The following TNKS2 variants were observed in gnomAD, a reference collection of about 807,000 sequenced individuals.
The protein encoded by TNKS2 is poly [ADP-ribose] polymerase tankyrase-2.
TNKS2 carries 72 observed loss-of-function variants against 137.6 expected under a neutral mutation model. That is an observed-to-expected ratio of 0.52 (90% CI 0.43 to 0.64). TNKS2 has a LOEUF of 0.64. Ranked by LOEUF, TNKS2 falls within the 30% of genes least tolerant of loss-of-function variation. The pLI, the probability that TNKS2 is intolerant of heterozygous loss-of-function variation, is 0.00. For synonymous variants in TNKS2, 516 were observed against 512.1 expected, an observed-to-expected ratio of 1.01 and a Z score of -0.10; for missense variants, 1,049 against 1,410.2, an observed-to-expected ratio of 0.74 and a Z score of 4.10.
rs1284196598 is a variant in TNKS2 at position 91,817,236 on chromosome 10, C to T, written c.520+7C>T. 6.2e-7 allele frequency: 1 copy of T among 1,602,978 alleles called. No individual in the cohort carries two copies. Among genetic ancestry groups the T allele is most frequent in the African/African-American group, 1.3e-5 (1 of 74,828 alleles). On this transcript the variant is annotated splice_region_variant and intron_variant, in intron 3 of 26. Coordinates refer to ENST00000371627, the MANE Select transcript of TNKS2 (RefSeq NM_025235.4). ...GCCAAAGCAGTGCTTACTGGTAAGTCTGTATACTCTGGTTATTCCAGGAAG... is the reference window on the plus strand; with the variant it reads ...GCCAAAGCAGTGCTTACTGGTAAGTTTGTATACTCTGGTTATTCCAGGAAG...
intron 7 of TNKS2, 43 bp from the exon 8 acceptor site, chr10:91,826,974 C>A (rs1204334513): frequency 7.0e-7 from 1 of 1,425,392 alleles, no homozygotes; most frequent in Middle Eastern, 1.9e-4. Context: ...ATTCTGAATT[C>A]TTTTAAAAAT....
intron 24 of TNKS2, among the ~76,000 whole-genome samples, chr10:91,858,291 G>A (rs1447292005): frequency 6.6e-6 from 1 of 152,112 alleles, no homozygotes; most frequent in African/African-American, 2.4e-5. Context: ...ATCTAAACAT[G>A]TTGCACTCCT....
chr10:91,806,989 G>C (rs1406077153), intron 1 of TNKS2, among the ~76,000 whole-genome samples: 1 of 152,088 alleles, frequency 6.6e-6, no homozygotes, highest in Admixed American at 6.6e-5. Context: ...GTAAATAAAG[G>C]CTTTCTAACT....
At chr10:91,839,494 G>A (rs1842144398) in intron 13 of TNKS2, among the ~76,000 whole-genome samples, 2 of 151,830 alleles carry the variant, frequency 1.3e-5, no homozygotes, top group Non-Finnish European at 2.9e-5. Context: ...GTTTTGCCAT[G>A]TTGGCCAGGA....
At chr10:91,836,311 C>T (rs1451647011) in intron 12 of TNKS2, among the ~76,000 whole-genome samples, 2 of 151,932 alleles carry the variant, frequency 1.3e-5, no homozygotes, top group Admixed American at 1.3e-4. Context: ...CCGTTTTCTT[C>T]TAGTATTTTT....
At chr10:91,811,998 T>G (rs1209817280) in intron 1 of TNKS2, among the ~76,000 whole-genome samples, 1 of 151,080 alleles carries the variant, frequency 6.6e-6, no homozygotes, top group African/African-American at 2.4e-5. Context: ...AGGCGGAGCT[T>G]GCAGTGAGCC....
At chr10:91,820,686 C>T (rs1196037533) in intron 6 of TNKS2, among the ~76,000 whole-genome samples, 2 of 152,194 alleles carry the variant, frequency 1.3e-5, no homozygotes, top group East Asian at 3.9e-4. Context: ...TTAGGAGGTG[C>T]GTTTGAAAGC....
intron 20 of TNKS2, 54 bp from the exon 21 acceptor site, chr10:91,851,162 T>C: frequency 6.3e-7 from 1 of 1,597,020 alleles, no homozygotes; most frequent in Non-Finnish European, 8.5e-7. Context: ...CACCAATATA[T>C]GAATGTCCAC....
chr10:91,823,811 G>T (rs1844984259), intron 7 of TNKS2, among the ~76,000 whole-genome samples: 1 of 152,148 alleles, frequency 6.6e-6, no homozygotes, highest in African/African-American at 2.4e-5. Flanking sequence ...CTTGTTTCCA[G>T]TGCCTCTTTG....
intron 1 of TNKS2, among the ~76,000 whole-genome samples, chr10:91,801,840 A>G (rs929907557): frequency 1.3e-5 from 2 of 152,178 alleles, no homozygotes; most frequent in Non-Finnish European, 2.9e-5. Context: ...CTGTTGCTCT[A>G]ATTTTACTAA....
chr10:91,808,405 A>G (rs547051040), intron 1 of TNKS2, among the ~76,000 whole-genome samples: 1 of 152,214 alleles, frequency 6.6e-6, no homozygotes, highest in South Asian at 2.1e-4. Context: ...GTTGAGGGCC[A>G]GTTCATGAAG....
Position 91,863,235 on chromosome 10 carries a change from G to T in TNKS2, c.*236G>T. On this transcript the variant is annotated 3_prime_UTR_variant, in exon 27 of 27. Coordinates refer to ENST00000371627, the MANE Select transcript of TNKS2 (RefSeq NM_025235.4). ...AACAGATGCCATTCCAGGTTAAACT[G>T]GGTTGTCTGTACTAAATTATAAACA... is the stretch of plus-strand genomic sequence containing the variant. The T allele has an allele frequency of 2.4e-6, 1 of 412,436 alleles. No homozygotes were observed. Among genetic ancestry groups the T allele is most frequent in the Non-Finnish European group, 4.4e-6 (1 of 228,796 alleles). 25.5% of individuals were successfully genotyped at this position (412,436 alleles called of 1,614,324 possible).
chr10:91,835,276 C>CTTTTTTTTCTTTTTTTTTTTCTTT (rs369192935), intron 12 of TNKS2, among the ~76,000 whole-genome samples: 92 of 141,388 alleles, frequency 6.5e-4, no homozygotes, highest in African/African-American at 2.2e-3. Flanking sequence ...GCCCATTTCT[C>CTTTTTTTTCTTTTTTTTTTTCTTT]TTTTTTTTCT....
chr10:91,842,350 G>A lies in TNKS2; in HGVS notation c.2018G>A (p.Arg673His), dbSNP rs897436842. ...KLSSPDNVNC[R>H]DTQGRHSTPL... ...TCTTCTCCTGATAATGTAAATTGCC[G>A]CGATACCCAAGGCAGACATTCAACA... The change falls in exon 16 of 27, where the codon CGC (arginine) becomes CAC (histidine). Residue 673 changes from arginine (R) to histidine (H), a missense_variant. By Grantham distance (29) the Arg-to-His change is conservative (BLOSUM62 0). Around this residue, in one of 6 missense-constraint regions of TNKS2, gnomAD observed 328 missense variants for 436.0 expected, o/e 0.75. Coordinates refer to ENST00000371627, the MANE Select transcript of TNKS2 (RefSeq NM_025235.4). 2.0e-5 allele frequency: 32 copies of A among 1,613,998 alleles called. No individual in the cohort carries two copies. Among genetic ancestry groups the A allele is most frequent in the South Asian group, 2.2e-5 (2 of 91,092 alleles).
chr10:91,845,824 C>T lies in TNKS2; in HGVS notation c.2242C>T (p.Pro748Ser), dbSNP rs762081141. Residue 748 changes from proline to serine, a missense_variant, in exon 18 of 27, where the codon CCT becomes TCT. By Grantham distance (74) the Pro-to-Ser change is moderately conservative. This residue lies in a region of TNKS2 where 328 missense variants were observed against 436.0 expected (regional missense o/e 0.75). Coordinates refer to ENST00000371627, the MANE Select transcript of TNKS2 (RefSeq NM_025235.4). ...VNATDKWAFT[P>S]LHEAAQKGRT... ...TGCCACGGACAAATGGGCTTTCACA[C>T]CTTTGCACGAAGCAGCCCAAAAGGG... is the stretch of plus-strand genomic sequence containing the variant. The T allele has an allele frequency of 1.2e-6, 2 of 1,609,208 alleles. No homozygotes were observed. Among genetic ancestry groups the T allele is most frequent in the Admixed American group, 1.7e-5 (1 of 59,884 alleles).
At chr10:91,859,432 A>C (rs1842795751) in intron 24 of TNKS2, 30 bp from the exon 25 acceptor site, 1 of 1,412,026 alleles carries the variant, frequency 7.1e-7, no homozygotes, top group Non-Finnish European at 9.3e-7. Flanking sequence ...TAAATTTTAA[A>C]TTATTGTTAC....
intron 19 of TNKS2, 97 bp downstream of exon 19, chr10:91,848,732 G>T (rs1296849338): frequency 2.2e-6 from 3 of 1,389,122 alleles, no homozygotes; most frequent in African/African-American, 2.9e-5. Flanking sequence ...TAAATACAAG[G>T]TATTAGTATA....
At chr10:91,819,799 G>T in intron 5 of TNKS2, 140 bp from the exon 6 acceptor site, 1 of 696,822 alleles carries the variant, frequency 1.4e-6, no homozygotes, top group Non-Finnish European at 2.3e-6. Flanking sequence ...TATGTATGTT[G>T]GATTTTGTAA....
At chr10:91,855,539 C>A in intron 22 of TNKS2, 75 bp from the exon 23 acceptor site, 1 of 1,175,862 alleles carries the variant, frequency 8.5e-7, no homozygotes, top group South Asian at 1.4e-5. Context: ...TCAGACGAGT[C>A]AAGAACCATG....
Sources: gnomAD v4.1 joint callset for allele counts (sites outside exome capture counted in the v4.1 genomes callset) on GRCh38, gnomAD v4.1.1 for gene constraint, gnomAD v4.1.1 regional missense constraint, MANE v1.5 for transcripts, NCBI Gene and HGNC (gene_info 2026-07-23, HGNC 2026-07-21) for gene names.